Variants in KIAA1217 observed in about 807,000 individuals in gnomAD.
The protein encoded by KIAA1217 is sickle tail protein homolog.
KIAA1217 carries 88 observed loss-of-function variants against 163.9 expected under a neutral mutation model. That is an observed-to-expected ratio of 0.54 (90% CI 0.45 to 0.64). KIAA1217 has a LOEUF of 0.64. KIAA1217 is among the 30% of genes least tolerant of loss of function. The pLI, the probability that KIAA1217 is intolerant of heterozygous loss-of-function variation, is 0.00. For synonymous variants in KIAA1217, 903 were observed against 923.1 expected (o/e 0.98, Z 0.39); for missense variants, 2,372 against 2,475.0 (o/e 0.96, Z 0.88).
rs191448599 is a variant in KIAA1217 at position 24,142,957 on chromosome 10, C to T, written c.-170-76669C>T. Among the ~76,000 whole-genome samples the T allele has an allele frequency of 3.9e-5, 6 of 152,270 alleles. No individual in the cohort carries two copies. In the East Asian group the frequency reaches 9.6e-4, roughly 24 times the overall value. The stretch of plus-strand genomic sequence containing the variant: ...CACAGGAGGGGGAAAAACATTAATC[C>T]ATACCATGCTGAAATTATTTTCGTA... On this transcript the variant is annotated intron_variant, in intron 2 of 18. Coordinates refer to the KIAA1217 transcript ENST00000376462.
At position 23,819,341 on chromosome 10, in the gene KIAA1217, C is replaced by A. The variant is rs77339019; in HGVS notation, c.-321+124107C>A. 2.0e-5 allele frequency among the ~76,000 whole-genome samples: 3 copies of A among 152,026 alleles called. No homozygotes were observed. In the East Asian group the frequency reaches 5.8e-4, roughly 29 times the overall value. On this transcript the variant is annotated intron_variant, in intron 1 of 18. Coordinates refer to the KIAA1217 transcript ENST00000376462. ...GTCTTCTTGAAAGAGAGGAGTGTGC[C>A]CTTTCTCTACCTCTTCTCCTTCTGA...
At chr10:23,814,036 T>A (rs1242937195) in intron 1 of KIAA1217, among the ~76,000 whole-genome samples, 1 of 152,160 alleles carries the variant, frequency 6.6e-6, no homozygotes, top group African/African-American at 2.4e-5. Context: ...TCCATGACTT[T>A]TTGGTGACTT....
At chr10:24,495,028 C>A in intron 7 of KIAA1217, 119 bp from the exon 8 acceptor site, 1 of 796,694 alleles carries the variant, frequency 1.3e-6, no homozygotes, top group Non-Finnish European at 2.0e-6. Context: ...GCTAAAATAC[C>A]TTCATTGCTT....
At position 24,407,371 on chromosome 10, in the gene KIAA1217, G is replaced by A. The variant is rs75813764; in HGVS notation, c.554-25624G>A. On this transcript the variant is annotated intron_variant, in intron 3 of 20. Coordinates refer to ENST00000376454, the MANE Select transcript of KIAA1217 (RefSeq NM_019590.5). ...TATAATAGTACCATCATAGCTCACT[G>A]AAGCTTCAAAATCCTGGGTTCAAGC... Among the ~76,000 whole-genome samples, 102 of 152,212 alleles carry A rather than the reference G, an allele frequency of 6.7e-4. No individual in the cohort carries two copies. The East Asian group carries it at 0.018, about 27-fold the overall frequency.
intron 1 of KIAA1217, among the ~76,000 whole-genome samples, chr10:23,848,745 T>C (rs904819451): frequency 3.9e-5 from 6 of 152,098 alleles, no homozygotes; most frequent in Non-Finnish European, 7.4e-5. Context: ...ATCTATTGAA[T>C]TATCACTTGG....
At chr10:23,748,727 C>G (rs1361707305) in intron 1 of KIAA1217, among the ~76,000 whole-genome samples, 4 of 152,080 alleles carry the variant, frequency 2.6e-5, no homozygotes, top group Non-Finnish European at 5.9e-5. Context: ...GGTAACGTTT[C>G]TTCTTCCTCT....
intron 2 of KIAA1217, among the ~76,000 whole-genome samples, chr10:24,131,077 C>G (rs1589611331): frequency 6.6e-6 from 1 of 152,310 alleles, no homozygotes; most frequent in East Asian, 1.9e-4. Flanking sequence ...CTCAGCATTA[C>G]TGAATATTGA....
At chr10:24,073,488 T>C (rs1000162660) in intron 2 of KIAA1217, among the ~76,000 whole-genome samples, 8 of 152,190 alleles carry the variant, frequency 5.3e-5, no homozygotes, top group Admixed American at 2.6e-4. Flanking sequence ...ATATGTAAAT[T>C]TGGAAGTTAT....
At chr10:24,191,058 G>T (rs1037370095) in intron 2 of KIAA1217, among the ~76,000 whole-genome samples, 1 of 152,062 alleles carries the variant, frequency 6.6e-6, no homozygotes, top group African/African-American at 2.4e-5. Context: ...GCTGGGCAAG[G>T]TGGTGCACAC....
intron 9 of KIAA1217, among the ~76,000 whole-genome samples, 164 bp from the exon 10 acceptor site, chr10:24,513,095 G>C (rs147811075): frequency 1.3e-5 from 2 of 152,328 alleles, no homozygotes; most frequent in East Asian, 1.9e-4. Context: ...GGTGGAAGAA[G>C]CCACATTATG....
At chr10:23,967,799 A>G (rs1249655705) in intron 1 of KIAA1217, among the ~76,000 whole-genome samples, 2 of 152,052 alleles carry the variant, frequency 1.3e-5, no homozygotes, top group Non-Finnish European at 2.9e-5. Flanking sequence ...GAATATTTAC[A>G]TTTTATTTGG....
chr10:23,816,494 T>C (rs556007068), intron 1 of KIAA1217, among the ~76,000 whole-genome samples: 1 of 152,258 alleles, frequency 6.6e-6, no homozygotes, highest in East Asian at 1.9e-4. Context: ...GGTTTCACCA[T>C]ATTGGCCAGT....
intron 2 of KIAA1217, among the ~76,000 whole-genome samples, chr10:24,189,493 A>G (rs1039838519): frequency 2.0e-5 from 3 of 152,194 alleles, no homozygotes; most frequent in African/African-American, 7.2e-5. Context: ...ACATGTGCAC[A>G]CACTTTTACC....
chr10:24,094,633 C>G (rs1350721994), intron 2 of KIAA1217, among the ~76,000 whole-genome samples: 2 of 152,214 alleles, frequency 1.3e-5, no homozygotes, highest in East Asian at 3.8e-4. Flanking sequence ...AGGTGTCAGT[C>G]TGCCCCTACT....
rs541934713 is a variant in KIAA1217, at chr10:24,524,556, C to A, written c.2690C>A (p.Ser897Tyr). Residue 897 changes from serine to tyrosine, a missense_variant, in exon 13 of 21, where the codon TCC becomes TAC. Physicochemically the swap from Ser to Tyr is moderately radical, Grantham distance 144. This residue lies in a region of KIAA1217 where 1,431 missense variants were observed against 1,470.3 expected (regional missense o/e 0.97). Coordinates refer to ENST00000376454, the MANE Select transcript of KIAA1217 (RefSeq NM_019590.5). ...AQSSPVVIQP[S>Y]QHSVALLNPA... ...AGCTCCCCTGTGGTCATCCAGCCCT[C>A]CCAGCACTCCGTGGCCCTGCTGAAC... 6.2e-7 allele frequency: 1 copy of A among 1,613,926 alleles called. No homozygotes were observed. Among genetic ancestry groups the A allele is most frequent in the African/African-American group, 1.3e-5 (1 of 75,062 alleles).
chr10:23,761,421 T>C lies in KIAA1217; in HGVS notation c.-321+66187T>C, dbSNP rs1415028461. On this transcript the variant is annotated intron_variant, in intron 1 of 18. Transcript: ENST00000376462. Reference sequence around the variant, plus strand: ...CTATAAATTTCCCTCTTAACAGTGCTTTAGCTGTGTCCCAGAGATTCTGGT... The same window carrying C: ...CTATAAATTTCCCTCTTAACAGTGCCTTAGCTGTGTCCCAGAGATTCTGGT... 6.6e-5 allele frequency among the ~76,000 whole-genome samples: 10 copies of C among 152,226 alleles called. No homozygotes were observed. The East Asian group carries it at 1.9e-3, about 29-fold the overall frequency.
At chr10:24,281,165 G>A (rs986294457) in intron 2 of KIAA1217, among the ~76,000 whole-genome samples, 15 of 152,196 alleles carry the variant, frequency 9.9e-5, no homozygotes, top group Admixed American at 7.9e-4. Flanking sequence ...TACAATGTAT[G>A]CAGTCTACTC....
intron 10 of KIAA1217, among the ~76,000 whole-genome samples, chr10:24,515,481 A>T (rs945881907): frequency 3.9e-5 from 6 of 152,222 alleles, no homozygotes; most frequent in Non-Finnish European, 7.3e-5. Flanking sequence ...ACAGCCTAGC[A>T]TAGGAATGAG....
chr10:24,089,959 A>G (rs1165709101), intron 2 of KIAA1217, among the ~76,000 whole-genome samples: 1 of 151,668 alleles, frequency 6.6e-6, no homozygotes, highest in East Asian at 1.9e-4. Flanking sequence ...GTTCATATGG[A>G]ACCAAAAAAG....
Sources: gnomAD v4.1 joint callset for allele counts (sites outside exome capture counted in the v4.1 genomes callset) on GRCh38, gnomAD v4.1.1 for gene constraint, gnomAD v4.1.1 regional missense constraint, MANE v1.5 for transcripts, NCBI Gene and HGNC (gene_info 2026-07-23, HGNC 2026-07-21) for gene names.